The following DSE variants were observed in gnomAD, a reference collection of about 807,000 sequenced individuals.
DSE encodes the protein dermatan-sulfate epimerase.
A neutral mutation model predicts 84.4 loss-of-function variants in DSE; 36 were observed. The observed-to-expected ratio is 0.43, with a 90% CI of 0.33 to 0.56. The LOEUF (loss-of-function observed/expected upper bound fraction) is 0.56. Ranked by LOEUF, DSE falls within the 20% of genes least tolerant of loss-of-function variation. The pLI is 0.06. For missense variants in DSE, 862 were observed against 1,169.6 expected (o/e 0.74, Z 3.84); for synonymous variants, 410 against 430.1 (o/e 0.95, Z 0.58).
At position 116,371,006 on chromosome 6, in the gene DSE, A is replaced by G; in HGVS notation, c.-169A>G. The stretch of plus-strand genomic sequence containing the variant: ...GGGGCATGGCGCGGCGGGGGCGCGG[A>G]GGGCTCGGTTCGGAGGGGGCCGGGA... On this transcript the variant is annotated 5_prime_UTR_variant, in exon 1 of 6. Transcript: ENST00000644252. 1 of 985,090 alleles carries G rather than the reference A, an allele frequency of 1.0e-6. No individual in the cohort carries two copies. The highest frequency in any genetic ancestry group is 1.8e-5 in the African/African-American group (1 of 57,106). The allele number at this position is 985,090 out of a possible 1,614,324, so 61.0% of individuals were successfully genotyped here.
chr6:116,347,725 T>C (rs376448462), intron 2 of DSE, among the ~76,000 whole-genome samples: 6 of 152,338 alleles, frequency 3.9e-5, no homozygotes, highest in Admixed American at 3.9e-4. Context: ...ATTCAGGACA[T>C]AGGCATGTGC....
chr6:116,387,757 A>G (rs1780658185), intron 1 of DSE, among the ~76,000 whole-genome samples: 1 of 152,236 alleles, frequency 6.6e-6, no homozygotes, highest in Non-Finnish European at 1.5e-5. Flanking sequence ...AAATATGATA[A>G]TGAAATACAC....
rs1784129450 is a variant in DSE, at chr6:116,436,015, A to G, written c.1547A>G (p.Asp516Gly). 1 of 1,614,126 alleles carries G rather than the reference A, an allele frequency of 6.2e-7. No homozygotes were observed. The highest frequency in any genetic ancestry group is 1.3e-5 in the African/African-American group (1 of 75,036). ...CSSKWSKYKH[D>G]LAASCQGRVV... ...TCAAAATGGTCTAAATACAAGCATG[A>G]CCTGGCAGCTAGTTGTCAGGGGAGG... Residue 516 changes from aspartate to glycine, a missense_variant, in exon 6 of 6, where the codon GAC becomes GGC. By Grantham distance (94) the Asp-to-Gly change is moderately conservative (BLOSUM62 -1). Coordinates refer to ENST00000644252, the MANE Select transcript of DSE (RefSeq NM_013352.4).
At chr6:116,278,599 C>G (rs537676463) in intron 2 of DSE, 1 of 1,614,154 alleles carries the variant, frequency 6.2e-7, no homozygotes, top group Non-Finnish European at 8.5e-7. Flanking sequence ...GACTCCTTCA[C>G]GCAACAGGTA....
intron 2 of DSE, chr6:116,279,985 T>A: frequency 9.1e-7 from 1 of 1,103,546 alleles, no homozygotes; most frequent in Non-Finnish European, 1.4e-6. Flanking sequence ...TCGCGAGAAC[T>A]TGCTGAGCCC....
chr6:116,409,113 TTAGTTAATGA>T (rs1256224662), intron 2 of DSE, among the ~76,000 whole-genome samples: 1 of 152,236 alleles, frequency 6.6e-6, no homozygotes, highest in Non-Finnish European at 1.5e-5. Context: ...CTATGAAGGA[TTAGTTAATGA>T]AACAGTACAT....
intron 2 of DSE, among the ~76,000 whole-genome samples, chr6:116,352,622 C>A (rs143660813): frequency 1.6e-3 from 244 of 152,168 alleles, no homozygotes; most frequent in African/African-American, 5.6e-3. Flanking sequence ...AAATAAAAAA[C>A]AGGAACTTTG....
intron 2 of DSE, among the ~76,000 whole-genome samples, chr6:116,418,989 C>T (rs1042178121): frequency 1.3e-5 from 2 of 152,172 alleles, no homozygotes; most frequent in Admixed American, 6.5e-5. Context: ...GAAGTACACT[C>T]CCCTCTCCTT....
chr6:116,260,614 G>C (rs1447843234), intron 2 of DSE, among the ~76,000 whole-genome samples: 1 of 151,870 alleles, frequency 6.6e-6, no homozygotes. Flanking sequence ...TTATAGTTTT[G>C]GGTTTTACAT....
chr6:116,356,067 A>G (rs1248252619), intron 2 of DSE, among the ~76,000 whole-genome samples: 1 of 152,218 alleles, frequency 6.6e-6, no homozygotes, highest in Non-Finnish European at 1.5e-5. Flanking sequence ...GAAGGCTGTT[A>G]GCTCAGAGTG....
At chr6:116,427,948 G>A (rs915529681) in intron 3 of DSE, among the ~76,000 whole-genome samples, 19 of 152,206 alleles carry the variant, frequency 1.2e-4, no homozygotes, top group Admixed American at 1.2e-3. Context: ...CAGCACTTTG[G>A]AAGGCCAAAG....
intron 2 of DSE, among the ~76,000 whole-genome samples, chr6:116,301,724 T>G (rs1019606775): frequency 1.3e-5 from 2 of 152,100 alleles, no homozygotes. Flanking sequence ...CCATGGTGGT[T>G]TGCTACACCC....
intron 2 of DSE, among the ~76,000 whole-genome samples, chr6:116,414,449 G>C (rs781255374): frequency 3.0e-4 from 45 of 151,440 alleles, no homozygotes; most frequent in Non-Finnish European, 6.2e-4. Context: ...TTTCGCTCTT[G>C]TTGCCCAGGA....
chr6:116,328,071 T>C (rs1776730367), intron 2 of DSE, among the ~76,000 whole-genome samples: 1 of 152,142 alleles, frequency 6.6e-6, no homozygotes, highest in South Asian at 2.1e-4. Context: ...GGAGGGAACA[T>C]TAGCCCATCA....
At chr6:116,258,254 G>A (rs2114589330) in intron 1 of DSE, among the ~76,000 whole-genome samples, 1 of 152,100 alleles carries the variant, frequency 6.6e-6, no homozygotes, top group Non-Finnish European at 1.5e-5. Context: ...AACCTCAGGT[G>A]ATCTGCCCGC....
rs1416188292 is a variant in DSE, at chr6:116,390,123, A to G, written c.-53-9075A>G. Among the ~76,000 whole-genome samples, 3 of 151,796 alleles carry G rather than the reference A, an allele frequency of 2.0e-5. No individual in the cohort carries two copies. The East Asian group carries it at 5.8e-4, about 29-fold the overall frequency. ...GAGACTGTCACCCAGACTGGAGTGC[A>G]GTGGGGTGATCTTGGCTCACTGCAA... On this transcript the variant is annotated intron_variant, in intron 1 of 5. Transcript: ENST00000644252.
rs1414960334 is a variant in DSE at position 116,433,342 on chromosome 6, G to A, written c.911-1G>A. ...TAATTCTTTCCAACTTATTTCCCTA[G>A]GGTTTCAAAGGACTGTGGCTATTGC... On this transcript the variant is annotated splice_acceptor_variant, in intron 4 of 5. Transcript: ENST00000644252. LOFTEE classifies it high-confidence loss of function. 6.4e-7 allele frequency: 1 copy of A among 1,550,648 alleles called. No individual in the cohort carries two copies. Among genetic ancestry groups the A allele is most frequent in the Non-Finnish European group, 8.7e-7 (1 of 1,146,848 alleles).
At chr6:116,352,977 T>A (rs1362541815) in intron 2 of DSE, among the ~76,000 whole-genome samples, 1 of 152,236 alleles carries the variant, frequency 6.6e-6, no homozygotes, top group South Asian at 2.1e-4. Flanking sequence ...GTGGAATGTG[T>A]TTGTCAGACA....
At chr6:116,254,830 T>G (rs1772078235) in intron 1 of DSE, 1 of 152,592 alleles carries the variant, frequency 6.6e-6, no homozygotes, top group Non-Finnish European at 1.5e-5. Context: ...GCATATGTTC[T>G]TTTCCTCAGG....
Sources: gnomAD v4.1 joint callset for allele counts (sites outside exome capture counted in the v4.1 genomes callset) on GRCh38, gnomAD v4.1.1 for gene constraint, MANE v1.5 for transcripts, NCBI Gene and HGNC (gene_info 2026-07-23, HGNC 2026-07-21) for gene names.